The following DMXL2 variants were observed in gnomAD, a reference collection of about 807,000 sequenced individuals.
DMXL2 encodes dmX-like protein 2.
In DMXL2, 103 loss-of-function variants were observed where a neutral mutation model predicts 331.1. That is an observed-to-expected ratio of 0.31 (90% CI 0.27 to 0.37). The LOEUF (loss-of-function observed/expected upper bound fraction) is 0.37, where lower values mean the gene tolerates loss of function less well. DMXL2 is among the 10% of genes least tolerant of loss of function. DMXL2 has a pLI of 1.00. For missense variants in DMXL2, 3,171 were observed against 3,642.9 expected, an observed-to-expected ratio of 0.87 and a Z score of 3.33; for synonymous variants, 1,281 against 1,252.1, an observed-to-expected ratio of 1.02 and a Z score of -0.49.
chr15:51,576,183 T>TAAAAACAAAAAAAA lies in DMXL2; in HGVS notation c.88-3_88-2insTTTTTTTTGTTTTT, dbSNP rs2051018676. On this transcript the variant is annotated splice_polypyrimidine_tract_variant and splice_region_variant and intron_variant, in intron 1 of 43. Transcript: ENST00000560891. The stretch of plus-strand genomic sequence containing the variant: ...AATATCACAGCCTGATCCATATGCC[T>TAAAAACAAAAAAAA]AAAAAAAAAAAAAAAAAAAAGTTTT... 1.8e-6 allele frequency: 1 copy of TAAAAACAAAAAAAA among 540,658 alleles called. No homozygotes were observed. Among genetic ancestry groups the TAAAAACAAAAAAAA allele is most frequent in the Non-Finnish European group, 2.4e-6 (1 of 424,206 alleles). The allele number at this position is 540,658 out of a possible 1,614,324, so 33.5% of individuals were successfully genotyped here.
chr15:51,577,020 T>C (rs2051095453), intron 1 of DMXL2, among the ~76,000 whole-genome samples: 1 of 152,220 alleles, frequency 6.6e-6, no homozygotes, highest in African/African-American at 2.4e-5. Flanking sequence ...ATTCCTGTTT[T>C]GCAACTTTGT....
intron 9 of DMXL2, among the ~76,000 whole-genome samples, chr15:51,540,595 T>C (rs2048538307): frequency 6.6e-6 from 1 of 152,008 alleles, no homozygotes; most frequent in Admixed American, 6.6e-5. Context: ...TATATGGATA[T>C]TTGCTGTACT....
chr15:51,548,856 A>G (rs1223230662), intron 6 of DMXL2, among the ~76,000 whole-genome samples: 1 of 152,168 alleles, frequency 6.6e-6, no homozygotes, highest in Non-Finnish European at 1.5e-5. Flanking sequence ...AATGAAAATG[A>G]AAGTACAACA....
In DMXL2 at chr15:51,541,474, C is replaced by T. The variant is rs369719916; in HGVS notation, c.1105+859G>A. On this transcript the variant is annotated intron_variant, in intron 9 of 43. Transcript: ENST00000560891. Reference sequence around the variant, plus strand: ...TACAGCATATCTCAATTTGGACCAGCCACATTTCAAGTGCTCAAATAGCTA... The same window carrying T: ...TACAGCATATCTCAATTTGGACCAGTCACATTTCAAGTGCTCAAATAGCTA... Among the ~76,000 whole-genome samples the T allele has an allele frequency of 3.2e-4, 48 of 152,172 alleles. No individual in the cohort carries two copies. The South Asian group carries it at 9.1e-3, about 29-fold the overall frequency.
At position 51,507,273 on chromosome 15, in the gene DMXL2, G is replaced by T; in HGVS notation, c.2645-20C>A. The T allele has an allele frequency of 1.3e-6, 2 of 1,592,460 alleles. No homozygotes were observed. The highest frequency in any genetic ancestry group is 1.7e-6 in the Non-Finnish European group (2 of 1,171,868). Reference sequence around the variant, plus strand: ...GGTATCCTATTATTCAAAGGAAAAGGATATTTAAATTAGTATGTTTTTATG... The same window carrying T: ...GGTATCCTATTATTCAAAGGAAAAGTATATTTAAATTAGTATGTTTTTATG... On this transcript the variant is annotated intron_variant, in intron 15 of 43. Transcript: ENST00000560891.
Position 51,499,618 on chromosome 15 carries a change from A to G in DMXL2, c.3606T>C (p.Thr1202=), listed in dbSNP as rs759299776. ...CTCCATCCTTACTGTTGGTTTGCTC[A>G]GTCACAATTCCTGAAAGCCTTCCAT... ...FMYGRLSGIV[T]EQTNSKDGVA... The change falls in exon 18 of 44, where the codon ACT becomes ACC. Residue 1202 remains threonine, a synonymous_variant. Coordinates refer to ENST00000560891, the MANE Select transcript of DMXL2 (RefSeq NM_001378457.1). The G allele has an allele frequency of 6.2e-7, 1 of 1,614,172 alleles. No individual in the cohort carries two copies. The highest frequency in any genetic ancestry group is 1.1e-5 in the South Asian group (1 of 91,080).
At chr15:51,589,013 A>G (rs763988315) in intron 1 of DMXL2, among the ~76,000 whole-genome samples, 3 of 152,184 alleles carry the variant, frequency 2.0e-5, no homozygotes, top group Non-Finnish European at 4.4e-5. Flanking sequence ...TATGTTCTTT[A>G]CTTTGTGATG....
At position 51,576,124 on chromosome 15, in the gene DMXL2, T is replaced by C. The variant is rs2051009724; in HGVS notation, c.145A>G (p.Ile49Val). ...ILANDFECVQ[I>V]IPGAKHGNIQ... is the part of the protein sequence containing the mutation. Reference sequence around the variant, plus strand: ...TTTCCATGCTTAGCACCAGGAATGATCTGTACACATTCAAAGTCATTTGCC... The same window carrying C: ...TTTCCATGCTTAGCACCAGGAATGACCTGTACACATTCAAAGTCATTTGCC... Residue 49 changes from isoleucine to valine, a missense_variant, in exon 2 of 44, where the codon ATC becomes GTC. By Grantham distance (29) the Ile-to-Val change is conservative. This residue lies in a region of DMXL2 where 1,674 missense variants were observed against 1,780.2 expected (regional missense o/e 0.94). Coordinates refer to ENST00000560891, the MANE Select transcript of DMXL2 (RefSeq NM_001378457.1). The C allele has an allele frequency of 6.7e-7, 1 of 1,490,686 alleles. No homozygotes were observed. The highest frequency in any genetic ancestry group is 9.0e-7 in the Non-Finnish European group (1 of 1,108,212). 92.3% of individuals were successfully genotyped at this position (1,490,686 alleles called of 1,614,324 possible).
rs369002915 is a variant in DMXL2 at position 51,464,313 on chromosome 15, T to C, written c.7808+362A>G. ...ACTCAGGAGGCAGAGGTGAAAAAGA[T>C]GGGTTGAGCCCAGGAGGTTGAGGCT... is the stretch of plus-strand genomic sequence containing the variant. On this transcript the variant is annotated intron_variant, in intron 32 of 43. Coordinates refer to ENST00000560891, the MANE Select transcript of DMXL2 (RefSeq NM_001378457.1). Among the ~76,000 whole-genome samples the C allele has an allele frequency of 2.6e-5, 4 of 152,140 alleles. 1 individual carries two copies. The East Asian group carries it at 5.8e-4, about 22-fold the overall frequency.
chr15:51,464,927 C>A (rs547213250), intron 31 of DMXL2, 51 bp from the exon 32 acceptor site: 2 of 1,433,002 alleles, frequency 1.4e-6, no homozygotes, highest in Non-Finnish European at 1.9e-6. Flanking sequence ...TATCGATCAT[C>A]ACCCAAATAT....
rs759404698 is a variant in DMXL2, at chr15:51,502,896, T to A, written c.2902A>T (p.Ser968Cys). 7.4e-6 allele frequency: 12 copies of A among 1,614,042 alleles called. No homozygotes were observed. The highest frequency in any genetic ancestry group is 1.0e-5 in the Non-Finnish European group (12 of 1,180,012). Residue 968 changes from serine (S) to cysteine (C), a missense_variant, in exon 17 of 44, where the codon AGT (serine) becomes TGT (cysteine). Physicochemically the swap from Ser to Cys is moderately radical, Grantham distance 112. Around this residue, in one of 7 missense-constraint regions of DMXL2, gnomAD observed 1,674 missense variants for 1,780.2 expected, o/e 0.94. Transcript: ENST00000560891. ...SSSIANLQTA[S>C]KLILSSRLVY... ...AGTCTAGAACTCAGAATAAGTTTAC[T>A]GGCAGTTTGAAGATTGGCAATTGAT...
chr15:51,507,600 AAAAGAAAGCAAAGG>A (rs2046485520), intron 15 of DMXL2, among the ~76,000 whole-genome samples: 1 of 152,150 alleles, frequency 6.6e-6, no homozygotes, highest in African/African-American at 2.4e-5. Context: ...GGGTACATAA[AAAAGAAAGCAAAGG>A]AAAGAAAGCA....
chr15:51,456,908 A>G (rs1451129223), intron 37 of DMXL2, among the ~76,000 whole-genome samples: 3 of 152,238 alleles, frequency 2.0e-5, no homozygotes, highest in Non-Finnish European at 1.5e-5. Flanking sequence ...GTGGTGGCTC[A>G]TGCCTGTAAT....
chr15:51,578,551 G>C (rs8038341), intron 1 of DMXL2, among the ~76,000 whole-genome samples: 67,389 of 151,964 alleles, frequency 0.44, 15,503 homozygotes, highest in Non-Finnish European at 0.5. Context: ...AGACTGCTCA[G>C]TCCCACACCA....
intron 1 of DMXL2, among the ~76,000 whole-genome samples, chr15:51,618,182 A>G (rs536822640): frequency 8.5e-5 from 13 of 152,194 alleles, no homozygotes; most frequent in African/African-American, 2.9e-4. Flanking sequence ...CTGAATTCCC[A>G]CTTAAATGCT....
intron 1 of DMXL2, among the ~76,000 whole-genome samples, chr15:51,615,177 T>C (rs1056936049): frequency 3.9e-5 from 6 of 152,222 alleles, no homozygotes; most frequent in Admixed American, 3.3e-4. Context: ...GTCTTTGTGA[T>C]AGCTATTAGA....
intron 13 of DMXL2, among the ~76,000 whole-genome samples, chr15:51,524,029 CA>C (rs1206026992): frequency 1.3e-5 from 2 of 152,212 alleles, no homozygotes; most frequent in African/African-American, 2.4e-5. Flanking sequence ...ACAAAATACA[CA>C]TTCTTTTAAG....
chr15:51,479,553 G>A (rs2041855929), intron 25 of DMXL2, among the ~76,000 whole-genome samples: 2 of 152,182 alleles, frequency 1.3e-5, no homozygotes, highest in African/African-American at 4.8e-5. Context: ...CTCTCTCTGG[G>A]ACCATTTGTG....
At chr15:51,507,078 AT>A in intron 16 of DMXL2, 55 bp downstream of exon 16, 1 of 1,352,272 alleles carries the variant, frequency 7.4e-7, no homozygotes, top group Non-Finnish European at 9.9e-7. Context: ...AGTAAAGCAT[AT>A]TCTATAAAAT....
Sources: gnomAD v4.1 joint callset for allele counts (sites outside exome capture counted in the v4.1 genomes callset) on GRCh38, gnomAD v4.1.1 for gene constraint, gnomAD v4.1.1 regional missense constraint, MANE v1.5 for transcripts, NCBI Gene and HGNC (gene_info 2026-07-23, HGNC 2026-07-21) for gene names.